Variants in NOS1AP observed in about 807,000 individuals in gnomAD.
The protein encoded by NOS1AP is carboxyl-terminal PDZ ligand of neuronal nitric oxide synthase protein.
In NOS1AP, 21 loss-of-function variants were observed where a neutral mutation model predicts 56.2. That is an observed-to-expected ratio of 0.37 (90% confidence interval 0.26 to 0.54). The LOEUF (loss-of-function observed/expected upper bound fraction) is 0.54, where lower values mean the gene tolerates loss of function less well. Ranked by LOEUF, NOS1AP falls within the 20% of genes least tolerant of loss-of-function variation. The pLI, the probability that NOS1AP is intolerant of heterozygous loss-of-function variation, is 0.84. For synonymous variants in NOS1AP, 270 were observed against 274.6 expected (o/e 0.98, Z 0.17); for missense variants, 522 against 657.8 (o/e 0.79, Z 2.26).
intron 5 of NOS1AP, 58 bp downstream of exon 5, chr1:162,333,183 C>T: frequency 8.5e-7 from 1 of 1,171,652 alleles, no homozygotes; most frequent in Admixed American, 1.7e-5. Flanking sequence ...AAAGCACCCC[C>T]AACATTGGCC....
chr1:162,176,669 C>G, intron 2 of NOS1AP, among the ~76,000 whole-genome samples: 1 of 152,076 alleles, frequency 6.6e-6, no homozygotes, highest in East Asian at 1.9e-4. Context: ...CTACCACGCC[C>G]AGCTACTTTT....
At chr1:162,124,794 A>G (rs1258889660) in intron 1 of NOS1AP, among the ~76,000 whole-genome samples, 1 of 152,098 alleles carries the variant, frequency 6.6e-6, no homozygotes, top group East Asian at 1.9e-4. Context: ...AAGTGCTGGG[A>G]TTACAGGCAT....
chr1:162,075,209 C>G (rs1691742265), intron 1 of NOS1AP, among the ~76,000 whole-genome samples: 2 of 152,162 alleles, frequency 1.3e-5, no homozygotes, highest in Non-Finnish European at 2.9e-5. Flanking sequence ...CCCTCCCAAG[C>G]CTCAACATCA....
intron 2 of NOS1AP, among the ~76,000 whole-genome samples, chr1:162,238,605 G>A (rs1401963922): frequency 6.6e-6 from 1 of 152,068 alleles, no homozygotes; most frequent in Non-Finnish European, 1.5e-5. Flanking sequence ...TGTTGTAATT[G>A]AATAATTTAA....
intron 1 of NOS1AP, among the ~76,000 whole-genome samples, chr1:162,114,986 C>A (rs1204804171): frequency 6.6e-6 from 1 of 152,142 alleles, no homozygotes; most frequent in East Asian, 1.9e-4. Flanking sequence ...AACTTCAGGT[C>A]CCATAATGGC....
At chr1:162,121,958 C>A (rs771410149) in intron 1 of NOS1AP, among the ~76,000 whole-genome samples, 1 of 152,176 alleles carries the variant, frequency 6.6e-6, no homozygotes, top group Non-Finnish European at 1.5e-5. Flanking sequence ...TATTACAATG[C>A]AGGTCAACCT....
At chr1:162,276,954 A>C (rs1456278780) in intron 2 of NOS1AP, among the ~76,000 whole-genome samples, 2 of 152,186 alleles carry the variant, frequency 1.3e-5, no homozygotes, top group Non-Finnish European at 2.9e-5. Flanking sequence ...ACTGAAAGAA[A>C]CCTTAGAGAT....
At chr1:162,308,705 C>T (rs1571208063) in intron 4 of NOS1AP, among the ~76,000 whole-genome samples, 1 of 152,158 alleles carries the variant, frequency 6.6e-6, no homozygotes, top group Non-Finnish European at 1.5e-5. Context: ...AAAGGAATTC[C>T]GTCCATTACC....
At chr1:162,248,235 C>A (rs1653735334) in intron 2 of NOS1AP, among the ~76,000 whole-genome samples, 1 of 151,832 alleles carries the variant, frequency 6.6e-6, no homozygotes. Context: ...AGGCTTTATC[C>A]CATATTAAGT....
chr1:162,257,037 G>C (rs187130028), intron 2 of NOS1AP, among the ~76,000 whole-genome samples: 1 of 152,308 alleles, frequency 6.6e-6, no homozygotes, highest in East Asian at 1.9e-4. Context: ...ATTGGTCAGA[G>C]GGCTAGGGTA....
chr1:162,249,601 A>C (rs1253014683), intron 2 of NOS1AP, among the ~76,000 whole-genome samples: 1 of 152,208 alleles, frequency 6.6e-6, no homozygotes, highest in African/African-American at 2.4e-5. Flanking sequence ...TTTGGAGATC[A>C]TTTTCATATA....
At chr1:162,224,761 CT>C (rs753721361) in intron 2 of NOS1AP, among the ~76,000 whole-genome samples, 1 of 152,122 alleles carries the variant, frequency 6.6e-6, no homozygotes, top group Non-Finnish European at 1.5e-5. Flanking sequence ...CAAGTAGTGC[CT>C]GTCTTTGTTC....
intron 2 of NOS1AP, among the ~76,000 whole-genome samples, chr1:162,251,857 G>GTTTTT (rs771192069): frequency 4.2e-4 from 42 of 100,440 alleles, no homozygotes; most frequent in Admixed American, 6.7e-4. Flanking sequence ...CTAGCTAGTT[G>GTTTTT]TTTTTTTTTT....
At chr1:162,140,083 C>T (rs1649172422) in intron 1 of NOS1AP, among the ~76,000 whole-genome samples, 1 of 152,214 alleles carries the variant, frequency 6.6e-6, no homozygotes, top group Non-Finnish European at 1.5e-5. Context: ...CCTGCCTCAG[C>T]CTCCCATAGT....
At chr1:162,307,697 G>A (rs922133453) in intron 4 of NOS1AP, among the ~76,000 whole-genome samples, 3 of 152,114 alleles carry the variant, frequency 2.0e-5, no homozygotes, top group Non-Finnish European at 4.4e-5. Context: ...TGTAGTCCCA[G>A]CTACTTGGGA....
chr1:162,242,889 G>A (rs577939910), intron 2 of NOS1AP, among the ~76,000 whole-genome samples: 12 of 152,156 alleles, frequency 7.9e-5, no homozygotes, highest in African/African-American at 2.9e-4. Flanking sequence ...GGAGGGGCGC[G>A]GGCAAAAGTA....
chr1:162,090,945 A>T (rs1171722777), intron 1 of NOS1AP, among the ~76,000 whole-genome samples: 1 of 151,924 alleles, frequency 6.6e-6, no homozygotes, highest in Non-Finnish European at 1.5e-5. Flanking sequence ...TATGGATTTG[A>T]CCTTGTTACT....
intron 2 of NOS1AP, among the ~76,000 whole-genome samples, chr1:162,203,266 G>A (rs905334638): frequency 2.0e-5 from 3 of 152,282 alleles, no homozygotes; most frequent in South Asian, 2.1e-4. Flanking sequence ...ATGCTTGTCC[G>A]TCTGTCTGTT....
intron 1 of NOS1AP, among the ~76,000 whole-genome samples, chr1:162,102,094 T>A (rs1206342816): frequency 6.6e-6 from 1 of 152,170 alleles, no homozygotes; most frequent in Admixed American, 6.5e-5. Flanking sequence ...CATGCATGGC[T>A]CTTATTATTT....
Sources: gnomAD v4.1 joint callset for allele counts (sites outside exome capture counted in the v4.1 genomes callset) on GRCh38, gnomAD v4.1.1 for gene constraint, MANE v1.5 for transcripts, NCBI Gene and HGNC (gene_info 2026-07-23, HGNC 2026-07-21) for gene names.